Variants in DIAPH3 observed in about 807,000 individuals in gnomAD.
The protein encoded by DIAPH3 is protein diaphanous homolog 3.
DIAPH3 carries 117 observed loss-of-function variants against 144.3 expected under a neutral mutation model. The observed-to-expected ratio is 0.81, with a 90% confidence interval of 0.70 to 0.95. DIAPH3 has a LOEUF of 0.95. Ranked by LOEUF, DIAPH3 falls within the 40% of genes least tolerant of loss-of-function variation. DIAPH3 has a pLI of 0.00. For synonymous variants in DIAPH3, 519 were observed against 488.9 expected, an observed-to-expected ratio of 1.06 and a Z score of -0.81; for missense variants, 1,421 against 1,412.7, an observed-to-expected ratio of 1.01 and a Z score of -0.09.
At chr13:59,963,184 G>A (rs2049856857) in intron 17 of DIAPH3, among the ~76,000 whole-genome samples, 1 of 152,086 alleles carries the variant, frequency 6.6e-6, no homozygotes, top group Admixed American at 6.6e-5. Flanking sequence ...TACCTACTCA[G>A]ATGCCAACGC....
At chr13:59,952,526 C>T (rs908617669) in intron 17 of DIAPH3, among the ~76,000 whole-genome samples, 2 of 152,092 alleles carry the variant, frequency 1.3e-5, no homozygotes, top group African/African-American at 4.8e-5. Flanking sequence ...CAGAATTTAC[C>T]TATAATTTTT....
intron 2 of DIAPH3, among the ~76,000 whole-genome samples, chr13:60,114,352 T>C (rs1388708736): frequency 6.6e-6 from 1 of 150,686 alleles, no homozygotes; most frequent in Non-Finnish European, 1.5e-5. Flanking sequence ...AACAGTAACC[T>C]GGACATAGCT....
At chr13:60,148,792 C>CA (rs1044316976) in intron 1 of DIAPH3, among the ~76,000 whole-genome samples, 1 of 151,666 alleles carries the variant, frequency 6.6e-6, no homozygotes. Context: ...GACCCTGACT[C>CA]AAAAAAAAGC....
chr13:59,787,071 A>G (rs1397116585), intron 25 of DIAPH3, among the ~76,000 whole-genome samples: 1 of 152,200 alleles, frequency 6.6e-6, no homozygotes, highest in Non-Finnish European at 1.5e-5. Flanking sequence ...ACTGCACTGC[A>G]GCCTGGGTGA....
intron 27 of DIAPH3, among the ~76,000 whole-genome samples, chr13:59,676,673 G>T (rs1169737257): frequency 1.3e-5 from 2 of 152,060 alleles, no homozygotes; most frequent in Non-Finnish European, 2.9e-5. Context: ...TCAAAATTCT[G>T]GGGAAAAGCT....
chr13:60,153,158 A>G (rs1380053597), intron 1 of DIAPH3, among the ~76,000 whole-genome samples: 1 of 152,084 alleles, frequency 6.6e-6, no homozygotes, highest in Non-Finnish European at 1.5e-5. Context: ...ATCATGACAC[A>G]ATAGATTTTC....
At chr13:60,100,030 A>C (rs911449590) in intron 3 of DIAPH3, among the ~76,000 whole-genome samples, 1 of 152,160 alleles carries the variant, frequency 6.6e-6, no homozygotes, top group African/African-American at 2.4e-5. Flanking sequence ...AAACTAGAAC[A>C]ATTTGAAAAA....
rs879271165 is a variant in DIAPH3 at position 59,879,166 on chromosome 13, T to C, written c.2607+63A>G. ...ATAAAAAAATATTTAAATAATGCAA[T>C]CAGGGCTGACATTTAAGAGCAAGTG... On this transcript the variant is annotated intron_variant, in intron 21 of 27. Transcript: ENST00000400324. 1.6e-5 allele frequency: 25 copies of C among 1,608,074 alleles called. No homozygotes were observed. The Admixed American group carries it at 4.2e-4, about 27-fold the overall frequency.
At chr13:60,023,167 T>C (rs2054140817) in intron 5 of DIAPH3, among the ~76,000 whole-genome samples, 1 of 152,238 alleles carries the variant, frequency 6.6e-6, no homozygotes, top group Non-Finnish European at 1.5e-5. Context: ...TGAAATCACC[T>C]GCACCTGAAG....
chr13:60,126,173 A>G (rs1487641257), intron 2 of DIAPH3, among the ~76,000 whole-genome samples: 4 of 152,192 alleles, frequency 2.6e-5, no homozygotes, highest in Non-Finnish European at 5.9e-5. Flanking sequence ...AATCAGGAAA[A>G]ACAACTGAGA....
chr13:60,017,850 T>C (rs1173216892), intron 5 of DIAPH3, among the ~76,000 whole-genome samples: 1 of 152,222 alleles, frequency 6.6e-6, no homozygotes, highest in East Asian at 1.9e-4. Flanking sequence ...CAGAGGTTGT[T>C]TTCAAACCAG....
intron 13 of DIAPH3, among the ~76,000 whole-genome samples, 178 bp from the exon 14 acceptor site, chr13:59,981,037 C>T (rs2050973564): frequency 6.6e-6 from 1 of 151,032 alleles, no homozygotes; most frequent in African/African-American, 2.4e-5. Flanking sequence ...AAGCATGATA[C>T]CAGAAAACAG....
In DIAPH3 at chr13:59,861,515, C is replaced by T. The variant is rs748797648; in HGVS notation, c.2629G>A (p.Asp877Asn). 3 of 1,613,670 alleles carry T rather than the reference C, an allele frequency of 1.9e-6. No individual in the cohort carries two copies. The highest frequency in any genetic ancestry group is 2.5e-6 in the Non-Finnish European group (3 of 1,179,840). The change falls in exon 22 of 28, where the codon GAT (aspartate) becomes AAT (asparagine). Residue 877 changes from aspartate to asparagine, a missense_variant. By Grantham distance (23) the Asp-to-Asn change is conservative. Transcript: ENST00000400324. The stretch of plus-strand genomic sequence containing the variant: ...AAATGAAGTAGCGTTGTTTTCTGAT[C>T]TGCTGATTTTGTGTCCTTTAGCTAA... The part of the protein sequence containing the change: ...LCKLKDTKSA[D>N]QKTTLLHFLV...
At chr13:59,850,215 T>C (rs1472872170) in intron 22 of DIAPH3, among the ~76,000 whole-genome samples, 1 of 152,074 alleles carries the variant, frequency 6.6e-6, no homozygotes, top group Non-Finnish European at 1.5e-5. Context: ...TAAGGAGATT[T>C]TGGGCTGAGA....
Position 59,991,487 on chromosome 13 carries a change from T to C in DIAPH3, c.1245-213A>G, listed in dbSNP as rs339542. 0.75 allele frequency among the ~76,000 whole-genome samples: 114,587 copies of C among 151,806 alleles called. 43,382 individuals carry two copies. Among genetic ancestry groups the C allele is most frequent in the Admixed American group, 0.81 (12,294 of 15,210 alleles). On this transcript the variant is annotated intron_variant, in intron 11 of 27. Coordinates refer to ENST00000400324, the MANE Select transcript of DIAPH3 (RefSeq NM_001042517.2). Reference sequence around the variant, plus strand: ...TTCCTGACTTCCCTTCTACAATCAGTTCCAACTAATCTGTCTCCCCTAAGC... The same window carrying C: ...TTCCTGACTTCCCTTCTACAATCAGCTCCAACTAATCTGTCTCCCCTAAGC...
chr13:59,916,063 T>G, intron 19 of DIAPH3, 92 bp downstream of exon 19: 1 of 1,065,396 alleles, frequency 9.4e-7, no homozygotes, highest in Non-Finnish European at 1.5e-6. Context: ...GTTGAATGAT[T>G]TGGGTGAAGA....
chr13:60,126,596 C>T (rs546516250), intron 2 of DIAPH3, among the ~76,000 whole-genome samples: 2 of 152,130 alleles, frequency 1.3e-5, no homozygotes, highest in African/African-American at 4.8e-5. Context: ...AACAGCACTA[C>T]CAACCATTCA....
At position 59,783,792 on chromosome 13, in the gene DIAPH3, T is replaced by C. The variant is rs918976643; in HGVS notation, c.3164-8969A>G. 2.6e-5 allele frequency among the ~76,000 whole-genome samples: 4 copies of C among 152,216 alleles called. No homozygotes were observed. In the South Asian group the frequency reaches 8.3e-4, roughly 31 times the overall value. ...CACGTACAATGCTCAGTAGGGTGCCTGGCTCATATTAAGAGCTTACTAACA... is the reference window on the plus strand; with the variant it reads ...CACGTACAATGCTCAGTAGGGTGCCCGGCTCATATTAAGAGCTTACTAACA... On this transcript the variant is annotated intron_variant, in intron 25 of 27. Transcript: ENST00000400324.
At chr13:59,959,360 G>A (rs2049608599) in intron 17 of DIAPH3, among the ~76,000 whole-genome samples, 1 of 152,188 alleles carries the variant, frequency 6.6e-6, no homozygotes, top group African/African-American at 2.4e-5. Context: ...AGCCTCTGCT[G>A]CCAAAGATAT....
Sources: allele counts gnomAD v4.1 joint callset (sites outside exome capture counted in the v4.1 genomes callset), GRCh38; gene constraint gnomAD v4.1.1; transcripts MANE v1.5; gene names NCBI Gene and HGNC (gene_info 2026-07-23, HGNC 2026-07-21).